Variants in GTF2B observed in about 807,000 individuals in gnomAD.
GTF2B encodes the protein transcription initiation factor IIB.
In GTF2B, 20 loss-of-function variants were observed where a neutral mutation model predicts 34.6. That is an observed-to-expected ratio of 0.58 (90% CI 0.41 to 0.84). The LOEUF is 0.84. Among genes scored for constraint, GTF2B ranks in the 40% least tolerant of loss-of-function variants. The pLI, the probability that GTF2B is intolerant of heterozygous loss-of-function variation, is 0.00. For missense variants in GTF2B, 237 were observed against 393.3 expected (o/e 0.60, Z 3.36); for synonymous variants, 142 against 132.4 (o/e 1.07, Z -0.50).
At chr1:88,868,702 C>T (rs780294014) in intron 2 of GTF2B, among the ~76,000 whole-genome samples, 2 of 151,840 alleles carry the variant, frequency 1.3e-5, no homozygotes, top group African/African-American at 2.4e-5. Context: ...CTGGCAATTC[C>T]ACTCTTAAGT....
intron 2 of GTF2B, among the ~76,000 whole-genome samples, chr1:88,864,901 G>A (rs1056844410): frequency 1.2e-4 from 18 of 152,106 alleles, no homozygotes; most frequent in Admixed American, 3.9e-4. Context: ...CAATTTTATT[G>A]CCACTTTACA....
At chr1:88,891,107 TG>T (rs2100984173) in intron 1 of GTF2B, among the ~76,000 whole-genome samples, 1 of 65,602 alleles carries the variant, frequency 1.5e-5, no homozygotes, top group East Asian at 5.7e-4. Flanking sequence ...GGGCCGTAGA[TG>T]AAAAAAACAA....
intron 6 of GTF2B, among the ~76,000 whole-genome samples, chr1:88,854,336 T>G (rs939486168): frequency 1.3e-5 from 2 of 152,176 alleles, no homozygotes; most frequent in African/African-American, 4.8e-5. Context: ...CTTAAATATT[T>G]TGAGCTCAAA....
At chr1:88,883,520 TC>T (rs897232576) in intron 2 of GTF2B, among the ~76,000 whole-genome samples, 2 of 151,908 alleles carry the variant, frequency 1.3e-5, no homozygotes, top group Non-Finnish European at 2.9e-5. Flanking sequence ...TCAAGACTAG[TC>T]TGGGCAACGC....
At chr1:88,866,310 C>T (rs1267961465) in intron 2 of GTF2B, among the ~76,000 whole-genome samples, 1 of 152,200 alleles carries the variant, frequency 6.6e-6, no homozygotes, top group Non-Finnish European at 1.5e-5. Context: ...GCCATGATTA[C>T]ACCACTGCAC....
intron 2 of GTF2B, among the ~76,000 whole-genome samples, chr1:88,873,682 T>TA (rs1405052230): frequency 6.6e-6 from 1 of 152,240 alleles, no homozygotes. Flanking sequence ...TGGCTTGCAT[T>TA]TTGTAGCACG....
chr1:88,872,871 A>G (rs6694007), intron 2 of GTF2B, among the ~76,000 whole-genome samples: 1,682 of 152,290 alleles, frequency 0.011, 27 homozygotes, highest in African/African-American at 0.039. Context: ...ATAATATTTC[A>G]ATAATAGACC....
intron 2 of GTF2B, among the ~76,000 whole-genome samples, chr1:88,879,880 A>T (rs1437424398): frequency 6.6e-6 from 1 of 151,714 alleles, no homozygotes; most frequent in Non-Finnish European, 1.5e-5. Flanking sequence ...ACATGGTGAA[A>T]CCCCGTCTCT....
chr1:88,889,697 C>T (rs78547605), intron 1 of GTF2B, among the ~76,000 whole-genome samples: 2,452 of 152,238 alleles, frequency 0.016, 62 homozygotes, highest in African/African-American at 0.055. Context: ...ATACACCTTC[C>T]TGAGGGAAAA....
intron 2 of GTF2B, among the ~76,000 whole-genome samples, chr1:88,873,543 T>G (rs1673748393): frequency 6.6e-6 from 1 of 152,064 alleles, no homozygotes; most frequent in African/African-American, 2.4e-5. Flanking sequence ...GTAGGGTTGC[T>G]ATAATTAAAT....
intron 5 of GTF2B, among the ~76,000 whole-genome samples, chr1:88,859,057 G>A (rs531704237): frequency 2.6e-5 from 4 of 151,894 alleles, no homozygotes; most frequent in Admixed American, 2.6e-4. Flanking sequence ...TAGTAGAGAC[G>A]GGGTTTCACC....
chr1:88,871,817 C>T (rs575424031), intron 2 of GTF2B, among the ~76,000 whole-genome samples: 13 of 152,214 alleles, frequency 8.5e-5, no homozygotes, highest in African/African-American at 2.4e-4. Flanking sequence ...CGGCAACCTC[C>T]GCCTTGCAGG....
chr1:88,860,337 A>G, intron 3 of GTF2B, 51 bp from the exon 4 acceptor site: 2 of 1,329,954 alleles, frequency 1.5e-6, no homozygotes, highest in South Asian at 1.2e-5. Context: ...AGCATGAAAA[A>G]TGGACAATTT....
chr1:88,853,026 G>A lies in GTF2B; in HGVS notation c.*187C>T. ...GATTGCTACAAAAGAAATTTGATAA[G>A]AAATTTAAATCATTAAATATGTTTC... On this transcript the variant is annotated 3_prime_UTR_variant, in exon 7 of 7. Transcript: ENST00000370500. 5 of 507,772 alleles carry A rather than the reference G, an allele frequency of 9.8e-6. No individual in the cohort carries two copies. The highest frequency in any genetic ancestry group is 3.3e-5 in the East Asian group (1 of 30,692). 31.5% of individuals were successfully genotyped at this position (507,772 alleles called of 1,614,324 possible). A position where few individuals can be genotyped will look rare whatever the true frequency, so the allele number is the denominator to read the frequency against.
chr1:88,878,362 A>G (rs533546309), intron 2 of GTF2B, among the ~76,000 whole-genome samples: 2 of 152,370 alleles, frequency 1.3e-5, no homozygotes, highest in South Asian at 2.1e-4. Flanking sequence ...ATACCAAATC[A>G]TAACACTTCA....
At chr1:88,853,493 T>G (rs1232729470) in intron 6 of GTF2B, 147 bp from the exon 7 acceptor site, 1 of 747,410 alleles carries the variant, frequency 1.3e-6, no homozygotes, top group Non-Finnish European at 2.2e-6. Flanking sequence ...ATAATAGAAA[T>G]ACATACTAAA....
intron 2 of GTF2B, among the ~76,000 whole-genome samples, chr1:88,869,112 C>T (rs993463634): frequency 6.0e-5 from 9 of 150,750 alleles, no homozygotes; most frequent in Admixed American, 2.0e-4. Flanking sequence ...TACGCCTGTA[C>T]TGAACATGTA....
chr1:88,876,153 A>G (rs28715275), intron 2 of GTF2B, among the ~76,000 whole-genome samples: 18,798 of 152,194 alleles, frequency 0.12, 2,863 homozygotes, highest in African/African-American at 0.36. Context: ...AAATACGTTT[A>G]TTTTAAAAAC....
chr1:88,878,527 T>C (rs1301025022), intron 2 of GTF2B, among the ~76,000 whole-genome samples: 2 of 152,226 alleles, frequency 1.3e-5, no homozygotes, highest in African/African-American at 4.8e-5. Context: ...GGGAAAAGCA[T>C]TATCAAAGGA....
Sources: gnomAD v4.1 joint callset for allele counts (sites outside exome capture counted in the v4.1 genomes callset) on GRCh38, gnomAD v4.1.1 for gene constraint, MANE v1.5 for transcripts, NCBI Gene and HGNC (gene_info 2026-07-23, HGNC 2026-07-21) for gene names.